Variants in PDLIM5 observed in about 807,000 individuals in gnomAD.
PDLIM5 encodes PDZ and LIM domain protein 5.
Under a neutral mutation model 64.2 loss-of-function variants are expected in PDLIM5, and 34 were observed. The ratio of observed to expected loss-of-function variants is 0.53; its 90% CI spans 0.40 to 0.71. PDLIM5 has a LOEUF of 0.71. PDLIM5 is among the 30% of genes least tolerant of loss of function. The probability of loss-of-function intolerance (pLI) is 0.00; values close to 1 mark genes in which losing one functional copy is unlikely to be tolerated. For missense variants in PDLIM5, 683 were observed against 733.6 expected, an observed-to-expected ratio of 0.93 and a Z score of 0.80; for synonymous variants, 253 against 269.1, an observed-to-expected ratio of 0.94 and a Z score of 0.59.
At chr4:94,508,765 T>C (rs1355026555) in intron 2 of PDLIM5, among the ~76,000 whole-genome samples, 1 of 152,238 alleles carries the variant, frequency 6.6e-6, no homozygotes, top group Non-Finnish European at 1.5e-5. Flanking sequence ...TCCTATACTG[T>C]GCTCTTTATC....
intron 8 of PDLIM5, among the ~76,000 whole-genome samples, chr4:94,625,197 C>A (rs1010909212): frequency 6.6e-6 from 1 of 152,044 alleles, no homozygotes; most frequent in African/African-American, 2.4e-5. Flanking sequence ...TTAAAACACC[C>A]GTGGAGGATT....
chr4:94,523,711 A>ATATT lies in PDLIM5; in HGVS notation c.97-8_97-5dup. On this transcript the variant is annotated splice_polypyrimidine_tract_variant and intron_variant, in intron 2 of 12. Transcript: ENST00000317968. ...CAAAGAGTGACACTCCTAATGAAAT[A>ATATT]TATTTATTACAGCTAAAAGATGGCG... 6 of 1,604,402 alleles carry ATATT rather than the reference A, an allele frequency of 3.7e-6. No homozygotes were observed. The highest frequency in any genetic ancestry group is 5.1e-6 in the Non-Finnish European group (6 of 1,172,570).
intron 2 of PDLIM5, among the ~76,000 whole-genome samples, chr4:94,468,605 G>T (rs1724578439): frequency 6.6e-6 from 1 of 152,140 alleles, no homozygotes; most frequent in African/African-American, 2.4e-5. Context: ...AGATGTTTTT[G>T]TTTGTTTTGT....
chr4:94,455,693 T>C, intron 2 of PDLIM5: 1 of 1,157,690 alleles, frequency 8.6e-7, no homozygotes, highest in Non-Finnish European at 1.2e-6. Flanking sequence ...ATCTTCGTTC[T>C]TTCATATATA....
rs769041252 is a variant in PDLIM5 at position 94,585,615 on chromosome 4, C to A, written c.761C>A (p.Pro254His). The A allele has an allele frequency of 4.3e-6, 7 of 1,612,618 alleles. No individual in the cohort carries two copies. In the African/African-American group the frequency reaches 9.4e-5, roughly 22 times the overall value. ...CGCTATACAGAGTTTTATCATGTAC[C>A]CACTCACAGTGATGCCAGCAAGAAG... ...VERYTEFYHV[P>H]THSDASKKRL... Residue 254 changes from proline to histidine, a missense_variant, in exon 6 of 13, where the codon CCC (proline) becomes CAC (histidine). Transcript: ENST00000317968.
chr4:94,461,472 T>C (rs563532879), intron 2 of PDLIM5, among the ~76,000 whole-genome samples: 1 of 152,278 alleles, frequency 6.6e-6, no homozygotes, highest in African/African-American at 2.4e-5. Context: ...GGTTCCTTAA[T>C]TAACAGAGAG....
chr4:94,517,302 C>T (rs775952129), intron 2 of PDLIM5, among the ~76,000 whole-genome samples: 14 of 152,214 alleles, frequency 9.2e-5, no homozygotes, highest in East Asian at 1.9e-4. Context: ...CACATAGTCA[C>T]GTTTATGGTA....
At chr4:94,612,516 C>T (rs1026530687) in intron 7 of PDLIM5, among the ~76,000 whole-genome samples, 1 of 152,130 alleles carries the variant, frequency 6.6e-6, no homozygotes, top group African/African-American at 2.4e-5. Flanking sequence ...GCTATAGATC[C>T]TCTCTCCAGA....
At chr4:94,572,750 CTGAAAT>C (rs1734916346) in intron 3 of PDLIM5, among the ~76,000 whole-genome samples, 1 of 152,160 alleles carries the variant, frequency 6.6e-6, no homozygotes, top group African/African-American at 2.4e-5. Flanking sequence ...ATTGCCTTCT[CTGAAAT>C]TATAGTCTAG....
intron 2 of PDLIM5, among the ~76,000 whole-genome samples, chr4:94,492,034 A>C (rs1054128114): frequency 6.6e-6 from 1 of 151,758 alleles, no homozygotes; most frequent in African/African-American, 2.4e-5. Context: ...TTTGACCAGT[A>C]ACTCCCTATT....
chr4:94,469,960 A>ATTTTTTTTTTTTTTTTTTT (rs34572366), intron 2 of PDLIM5, among the ~76,000 whole-genome samples: 3 of 71,556 alleles, frequency 4.2e-5, no homozygotes, highest in African/African-American at 1.8e-4. Context: ...CATTCTTTTA[A>ATTTTTTTTTTTTTTTTTTT]TTTTTTTTTT....
At chr4:94,522,467 C>G (rs2110131732) in intron 2 of PDLIM5, among the ~76,000 whole-genome samples, 2 of 152,122 alleles carry the variant, frequency 1.3e-5, no homozygotes, top group Middle Eastern at 6.8e-3. Flanking sequence ...CCTCTGCCTC[C>G]CGGGTTCAAG....
At chr4:94,620,407 T>C (rs2110402517) in intron 8 of PDLIM5, among the ~76,000 whole-genome samples, 1 of 152,144 alleles carries the variant, frequency 6.6e-6, no homozygotes, top group South Asian at 2.1e-4. Context: ...TGGTGGCACA[T>C]GAGCCTGTAG....
chr4:94,487,611 G>A (rs1726472829), intron 2 of PDLIM5, among the ~76,000 whole-genome samples: 1 of 152,162 alleles, frequency 6.6e-6, no homozygotes, highest in Non-Finnish European at 1.5e-5. Context: ...CTCCTTGACA[G>A]TGTCAGCCTG....
intron 8 of PDLIM5, among the ~76,000 whole-genome samples, chr4:94,631,483 A>T (rs1002603816): frequency 6.6e-6 from 1 of 152,180 alleles, no homozygotes; most frequent in Non-Finnish European, 1.5e-5. Context: ...TCCTACATTT[A>T]TCCTAGCAGG....
intron 3 of PDLIM5, among the ~76,000 whole-genome samples, chr4:94,536,923 A>G (rs3805283): frequency 0.18 from 27,166 of 152,182 alleles, 2,603 homozygotes; most frequent in African/African-American, 0.23. Flanking sequence ...GTGATTGGCC[A>G]TGCAAAACAC....
At chr4:94,568,376 G>A (rs1369313322) in intron 3 of PDLIM5, among the ~76,000 whole-genome samples, 1 of 151,684 alleles carries the variant, frequency 6.6e-6, no homozygotes, top group African/African-American at 2.4e-5. Context: ...TCTTAACAGT[G>A]GGACATATAG....
At chr4:94,559,965 C>A (rs577276859) in intron 3 of PDLIM5, among the ~76,000 whole-genome samples, 1 of 152,110 alleles carries the variant, frequency 6.6e-6, no homozygotes, top group Non-Finnish European at 1.5e-5. Flanking sequence ...TGTTGGATTT[C>A]TTTGTGGGGA....
chr4:94,456,418 G>A (rs1184905908), intron 2 of PDLIM5: 1 of 687,362 alleles, frequency 1.5e-6, no homozygotes, highest in Non-Finnish European at 2.6e-6. Context: ...GGCTGGTCTT[G>A]AACTCCCGAC....
Sources: gnomAD v4.1 joint callset for allele counts (sites outside exome capture counted in the v4.1 genomes callset) on GRCh38, gnomAD v4.1.1 for gene constraint, MANE v1.5 for transcripts, NCBI Gene and HGNC (gene_info 2026-07-23, HGNC 2026-07-21) for gene names.